EFCAB6: variants seen among roughly 807,000 people sequenced by gnomAD.
EFCAB6 encodes the protein EF-hand calcium binding domain 6.
EFCAB6 carries 156 observed loss-of-function variants against 169.8 expected under a neutral mutation model. That is an observed-to-expected ratio of 0.92 (90% CI 0.81 to 1.05). The LOEUF is 1.05. Ranked by LOEUF, EFCAB6 falls within the 50% of genes least tolerant of loss-of-function variation. EFCAB6 has a pLI of 0.00. For synonymous variants in EFCAB6, 698 were observed against 676.4 expected (o/e 1.03, Z -0.50); for missense variants, 1,800 against 1,829.1 (o/e 0.98, Z 0.29).
intron 4 of EFCAB6, 84 bp from the exon 5 acceptor site, chr22:43,765,477 C>T: frequency 3.0e-6 from 3 of 1,011,110 alleles, no homozygotes; most frequent in South Asian, 2.7e-5. Flanking sequence ...TAAATCACAG[C>T]TCTCAGGATG....
At chr22:43,665,623 A>C (rs922755142) in intron 17 of EFCAB6, among the ~76,000 whole-genome samples, 1 of 152,240 alleles carries the variant, frequency 6.6e-6, no homozygotes, top group African/African-American at 2.4e-5. Flanking sequence ...GGATGGAGTC[A>C]GATTGGCACT....
chr22:43,613,792 T>G (rs1321416627), intron 21 of EFCAB6, among the ~76,000 whole-genome samples: 1 of 152,142 alleles, frequency 6.6e-6, no homozygotes, highest in Non-Finnish European at 1.5e-5. Context: ...CAATACCATT[T>G]ACATTAGCAC....
intron 8 of EFCAB6, among the ~76,000 whole-genome samples, chr22:43,717,268 T>G (rs1349932191): frequency 1.3e-5 from 2 of 151,970 alleles, no homozygotes; most frequent in Non-Finnish European, 2.9e-5. Flanking sequence ...TGTTACATAC[T>G]ACATAATCTT....
intron 22 of EFCAB6, among the ~76,000 whole-genome samples, chr22:43,607,041 C>T (rs954270236): frequency 2.6e-5 from 4 of 152,168 alleles, no homozygotes; most frequent in Non-Finnish European, 4.4e-5. Context: ...ACTGACTCAC[C>T]TTCCTAAACC....
Position 43,537,528 on chromosome 22 carries a change from G to T in EFCAB6, c.3897C>A (p.Thr1299=), listed in dbSNP as rs3747200. The T allele has an allele frequency of 6.2e-7, 1 of 1,613,944 alleles. No individual in the cohort carries two copies. Among genetic ancestry groups the T allele is most frequent in the South Asian group, 1.1e-5 (1 of 91,048 alleles). ...GCAAGGGTGGAGTGCCCGGGATCAC[G>T]GTGGTGCTCGCTGGAGTCTAGCAGG... The part of the protein sequence containing the change: ...QSHPCTPAST[T]VIPGTPPLQN... Residue 1299 remains threonine (T), a synonymous_variant, in exon 29 of 32, where the codon ACC becomes ACA. Transcript: ENST00000262726. This position sits in a 1 kb window ranked among gnomAD's most constrained non-coding sequence, Gnocchi z 4.3.
chr22:43,789,648 G>A (rs2062204609), intron 2 of EFCAB6, among the ~76,000 whole-genome samples: 1 of 152,180 alleles, frequency 6.6e-6, no homozygotes, highest in African/African-American at 2.4e-5. Context: ...ATGCCTTCGT[G>A]ATTTTTAATT....
intron 23 of EFCAB6, among the ~76,000 whole-genome samples, chr22:43,595,600 A>T (rs1369085593): frequency 6.6e-6 from 1 of 152,198 alleles, no homozygotes; most frequent in African/African-American, 2.4e-5. Flanking sequence ...TCAAAGCAGT[A>T]ATAAAAAGTT....
intron 20 of EFCAB6, 53 bp from the exon 21 acceptor site, chr22:43,615,975 A>G: frequency 6.7e-7 from 1 of 1,481,906 alleles, no homozygotes; most frequent in Non-Finnish European, 9.2e-7. Flanking sequence ...TGGGCTCATT[A>G]ATCTCCCAAG....
At chr22:43,546,974 C>T (rs532063922) in intron 27 of EFCAB6, among the ~76,000 whole-genome samples, 2 of 151,744 alleles carry the variant, frequency 1.3e-5, no homozygotes, top group African/African-American at 2.4e-5. Context: ...AAAAACTGGG[C>T]GAACTTAAGA....
At position 43,554,982 on chromosome 22, in the gene EFCAB6, GGTAATGGGAAGTCACTGCTTT is replaced by G; in HGVS notation, c.3514_3534del (p.Lys1172_Tyr1178del). 6.2e-7 allele frequency: 1 copy of G among 1,614,196 alleles called. No individual in the cohort carries two copies. Among genetic ancestry groups the G allele is most frequent in the South Asian group, 1.1e-5 (1 of 91,076 alleles). ...TTCTCAAACTCCTGGGTGATGGCATGGTAATGGGAAGTCACTGCTTTGTGGAGGCGAGCCAGGATGTCTCTG... is the reference window on the plus strand; with the variant it reads ...TTCTCAAACTCCTGGGTGATGGCATGGTGGAGGCGAGCCAGGATGTCTCTG... On this transcript the variant is annotated inframe_deletion, in exon 27 of 32. Transcript: ENST00000262726.
chr22:43,576,399 C>G lies in EFCAB6; in HGVS notation c.3318G>C (p.Thr1106=). Residue 1106 remains threonine (T), a synonymous_variant, in exon 26 of 32, where the codon ACG becomes ACC. Coordinates refer to ENST00000262726, the MANE Select transcript of EFCAB6 (RefSeq NM_022785.4). ...QVLKDFCYKL[T]DNQYHYFLRK... is the part of the protein sequence containing the mutation. ...TCAAAAAATAATGATACTGATTGTC[C>G]GTTAGTTTGTAACAGAAATCCTTAA... is the stretch of plus-strand genomic sequence containing the variant. 1 of 1,606,662 alleles carries G rather than the reference C, an allele frequency of 6.2e-7. No homozygotes were observed. Among genetic ancestry groups the G allele is most frequent in the African/African-American group, 1.3e-5 (1 of 74,520 alleles).
intron 23 of EFCAB6, among the ~76,000 whole-genome samples, chr22:43,597,444 A>C (rs1437287003): frequency 6.6e-6 from 1 of 152,236 alleles, no homozygotes; most frequent in African/African-American, 2.4e-5. Flanking sequence ...AGACCTGAAT[A>C]GACATTTCTC....
chr22:43,668,370 T>C (rs2057351705), intron 16 of EFCAB6, among the ~76,000 whole-genome samples: 1 of 152,244 alleles, frequency 6.6e-6, no homozygotes, highest in Non-Finnish European at 1.5e-5. Context: ...TCAGGCTAAT[T>C]TTTTATAGAT....
At chr22:43,651,359 G>C (rs2056457794) in intron 17 of EFCAB6, among the ~76,000 whole-genome samples, 1 of 152,256 alleles carries the variant, frequency 6.6e-6, no homozygotes, top group Non-Finnish European at 1.5e-5. Flanking sequence ...CTTCCACATG[G>C]TGTTGAGCCT....
chr22:43,780,803 G>T (rs1352180812), intron 3 of EFCAB6, among the ~76,000 whole-genome samples: 2 of 152,174 alleles, frequency 1.3e-5, no homozygotes, highest in Non-Finnish European at 2.9e-5. Flanking sequence ...GGACCTGGTG[G>T]TTCAAGTCCT....
chr22:43,753,368 G>T (rs927888282), intron 6 of EFCAB6, among the ~76,000 whole-genome samples: 4 of 152,234 alleles, frequency 2.6e-5, no homozygotes, highest in African/African-American at 9.6e-5. Flanking sequence ...TAGCGTGGCT[G>T]TTGAGTGGAA....
At chr22:43,738,695 C>A (rs2060259818) in intron 6 of EFCAB6, among the ~76,000 whole-genome samples, 1 of 152,142 alleles carries the variant, frequency 6.6e-6, no homozygotes, top group South Asian at 2.1e-4. Context: ...ATACCCCATC[C>A]ACACAGCCAT....
intron 18 of EFCAB6, 38 bp downstream of exon 18, chr22:43,635,064 G>C (rs1373216706): frequency 6.4e-7 from 1 of 1,550,642 alleles, no homozygotes; most frequent in Non-Finnish European, 8.9e-7. Flanking sequence ...TGTCACCCAG[G>C]ACGCATCCCA....
At chr22:43,634,464 G>C (rs985086259) in intron 18 of EFCAB6, among the ~76,000 whole-genome samples, 2 of 152,096 alleles carry the variant, frequency 1.3e-5, no homozygotes, top group Admixed American at 6.5e-5. Flanking sequence ...AAATGCACAG[G>C]GCTCCTGCAT....
Sources: allele counts gnomAD v4.1 joint callset (sites outside exome capture counted in the v4.1 genomes callset), GRCh38; gene constraint gnomAD v4.1.1; non-coding constraint Gnocchi (gnomAD v3.1); transcripts MANE v1.5; gene names NCBI Gene and HGNC (gene_info 2026-07-23, HGNC 2026-07-21).